TP63: variants seen among roughly 807,000 people sequenced by gnomAD.
TP63 encodes tumor protein p63, also known as tumor protein 63.
TP63 carries 17 observed loss-of-function variants against 82.8 expected under a neutral mutation model. The ratio of observed to expected loss-of-function variants is 0.21; its 90% CI spans 0.14 to 0.31. TP63 has a LOEUF of 0.31. TP63 is among the 10% of genes least tolerant of loss of function. The probability of loss-of-function intolerance (pLI) is 1.00; values close to 1 mark genes in which losing one functional copy is unlikely to be tolerated. For synonymous variants in TP63, 330 were observed against 321.7 expected, an observed-to-expected ratio of 1.03 and a Z score of -0.28; for missense variants, 648 against 895.3, an observed-to-expected ratio of 0.72 and a Z score of 3.52.
chr3:189,741,835 A>G (rs896579597), intron 3 of TP63, among the ~76,000 whole-genome samples: 8 of 152,236 alleles, frequency 5.3e-5, no homozygotes, highest in South Asian at 2.1e-4. Context: ...TTTAGTATCA[A>G]TGAAAAATGA....
At chr3:189,704,593 C>G (rs964288967) in intron 1 of TP63, among the ~76,000 whole-genome samples, 1 of 152,214 alleles carries the variant, frequency 6.6e-6, no homozygotes, top group Non-Finnish European at 1.5e-5. Flanking sequence ...ATGTCTGTCT[C>G]GTGACTAGGC....
chr3:189,605,825 A>G, the TP63 span, among the ~76,000 whole-genome samples: 3 of 152,230 alleles, frequency 2.0e-5, no homozygotes, highest in Non-Finnish European at 4.4e-5. Flanking sequence ...ATAAGCACTA[A>G]GAGATATGAT....
intron 10 of TP63, among the ~76,000 whole-genome samples, chr3:189,885,958 A>G (rs1720403498): frequency 6.6e-6 from 1 of 152,238 alleles, no homozygotes; most frequent in Non-Finnish European, 1.5e-5. Context: ...AGAAAGCTAC[A>G]AATGGAATGC....
intron 1 of TP63, among the ~76,000 whole-genome samples, chr3:189,687,520 G>A (rs1478883406): frequency 1.3e-5 from 2 of 152,170 alleles, no homozygotes; most frequent in African/African-American, 2.4e-5. Flanking sequence ...AACCTAGTTT[G>A]TAGTCTCCTT....
chr3:189,831,478 CCA>C (rs1712323096), intron 4 of TP63, among the ~76,000 whole-genome samples: 1 of 151,888 alleles, frequency 6.6e-6, no homozygotes, highest in Non-Finnish European at 1.5e-5. Flanking sequence ...AGCTTCACAA[CCA>C]CACTCCAAGT....
At chr3:189,721,709 A>C (rs1025993214) in intron 1 of TP63, among the ~76,000 whole-genome samples, 8 of 152,186 alleles carry the variant, frequency 5.3e-5, no homozygotes, top group African/African-American at 1.9e-4. Flanking sequence ...AGGAGTATCC[A>C]GCTGCCCAGG....
intron 1 of TP63, among the ~76,000 whole-genome samples, chr3:189,644,196 T>G (rs537819271): frequency 7.1e-4 from 108 of 151,922 alleles, no homozygotes; most frequent in African/African-American, 2.5e-3. Context: ...CTTTCCTTTC[T>G]GGCCACTATC....
At chr3:189,629,816 AT>A (rs1379059572), upstream of TP63, among the ~76,000 whole-genome samples, 1 of 152,214 alleles carries the variant, frequency 6.6e-6, no homozygotes, top group Admixed American at 6.5e-5. Flanking sequence ...GAAATTGATT[AT>A]TTTTAATTTC....
intron 1 of TP63, among the ~76,000 whole-genome samples, chr3:189,705,624 A>T (rs1317283749): frequency 1.3e-5 from 2 of 152,066 alleles, no homozygotes; most frequent in Non-Finnish European, 2.9e-5. Flanking sequence ...AGTCAATGGG[A>T]GAGCATATGG....
chr3:189,873,736 A>C (rs1439785684), intron 10 of TP63, among the ~76,000 whole-genome samples: 1 of 152,212 alleles, frequency 6.6e-6, no homozygotes, highest in Non-Finnish European at 1.5e-5. Context: ...AATAGCTCTT[A>C]TGAAAGGATG....
chr3:189,872,969 G>A lies in TP63; in HGVS notation c.1323G>A (p.Gln441=). The part of the protein sequence containing the change: ...TIETYRQQQQ[Q]QHQHLLQKQT... ...AAACGTACAGGCAACAGCAACAGCA[G>A]CAGCACCAGCACTTACTTCAGAAAC... Residue 441 remains glutamine, a synonymous_variant, in exon 10 of 14, where the codon CAG becomes CAA. Coordinates refer to ENST00000264731, the MANE Select transcript of TP63 (RefSeq NM_003722.5). The A allele has an allele frequency of 1.9e-6, 3 of 1,614,128 alleles. No homozygotes were observed. The highest frequency in any genetic ancestry group is 2.5e-6 in the Non-Finnish European group (3 of 1,180,008).
At chr3:189,867,708 G>T in intron 6 of TP63, 125 bp from the exon 7 acceptor site, 1 of 862,754 alleles carries the variant, frequency 1.2e-6, no homozygotes, top group Non-Finnish European at 1.9e-6. Flanking sequence ...TTCAGAGTTT[G>T]CCCTTTTAGG....
chr3:189,690,340 C>T (rs1716819037), intron 1 of TP63, among the ~76,000 whole-genome samples: 1 of 152,058 alleles, frequency 6.6e-6, no homozygotes, highest in Non-Finnish European at 1.5e-5. Flanking sequence ...AGGATCCTGG[C>T]CCTGATAGTA....
At chr3:189,836,844 C>T (rs1378481195) in intron 4 of TP63, among the ~76,000 whole-genome samples, 1 of 152,150 alleles carries the variant, frequency 6.6e-6, no homozygotes, top group Non-Finnish European at 1.5e-5. Context: ...TTGTATTTGG[C>T]CCAATTCCCC....
At position 189,777,725 on chromosome 3, in the gene TP63, C is replaced by T. The variant is rs574106405; in HGVS notation, c.325-30547C>T. 8.6e-5 allele frequency among the ~76,000 whole-genome samples: 13 copies of T among 150,542 alleles called. No homozygotes were observed. The South Asian group carries it at 2.7e-3, about 32-fold the overall frequency. ...TTAGTCTTCACTTTAGTTACTATTTCACATGTATTTCACCCGACTTTGTAA... is the reference window on the plus strand; with the variant it reads ...TTAGTCTTCACTTTAGTTACTATTTTACATGTATTTCACCCGACTTTGTAA... On this transcript the variant is annotated intron_variant, in intron 3 of 13. Transcript: ENST00000264731.
chr3:189,798,296 G>T (rs1576981591), intron 3 of TP63, among the ~76,000 whole-genome samples: 1 of 152,018 alleles, frequency 6.6e-6, no homozygotes, highest in East Asian at 1.9e-4. Context: ...AAACCAAATT[G>T]TGTCATTTTC....
At chr3:189,613,487 G>C in the TP63 span, among the ~76,000 whole-genome samples, 3 of 152,218 alleles carry the variant, frequency 2.0e-5, no homozygotes, top group Non-Finnish European at 4.4e-5. Context: ...GCATGAGCAG[G>C]GCCCTCATGG....
intron 1 of TP63, among the ~76,000 whole-genome samples, chr3:189,669,829 C>G (rs1045903662): frequency 6.6e-6 from 1 of 151,868 alleles, no homozygotes; most frequent in South Asian, 2.1e-4. Flanking sequence ...AAGTATATGA[C>G]TCACCCAAAA....
the TP63 span, among the ~76,000 whole-genome samples, chr3:189,608,595 T>A: frequency 6.6e-6 from 1 of 152,188 alleles, no homozygotes; most frequent in Non-Finnish European, 1.5e-5. Context: ...TTGACTTTTA[T>A]ACTTTGTATC....
Sources: allele counts gnomAD v4.1 joint callset (sites outside exome capture counted in the v4.1 genomes callset), GRCh38; gene constraint gnomAD v4.1.1; transcripts MANE v1.5; gene names NCBI Gene and HGNC (gene_info 2026-07-23, HGNC 2026-07-21).